The following SPG21 variants were observed in gnomAD, a reference collection of about 807,000 sequenced individuals.
SPG21 encodes SPG21 abhydrolase domain containing, maspardin, also known as maspardin.
SPG21 carries 26 observed loss-of-function variants against 38.9 expected under a neutral mutation model. That is an observed-to-expected ratio of 0.67 (90% confidence interval 0.49 to 0.93). The LOEUF is 0.93. SPG21 is among the 40% of genes least tolerant of loss of function. The pLI is 0.00. For synonymous variants in SPG21, 136 were observed against 128.9 expected (o/e 1.05, Z -0.37); for missense variants, 333 against 376.5 (o/e 0.88, Z 0.96).
chr15:64,981,284 T>G, intron 2 of SPG21: 9 of 348,620 alleles, frequency 2.6e-5, no homozygotes, highest in East Asian at 6.3e-5. Flanking sequence ...TTCTTCCCCC[T>G]CCTCCTTTTT....
intron 2 of SPG21, among the ~76,000 whole-genome samples, chr15:64,982,663 TTGTC>T (rs1383756972): frequency 6.6e-6 from 1 of 152,328 alleles, no homozygotes; most frequent in South Asian, 2.1e-4. Context: ...TGAACTGCCT[TTGTC>T]TAGTGTGATC....
rs112449052 is a variant in SPG21, at chr15:64,968,599, ATGT to A, written c.669+653_669+655del. On this transcript the variant is annotated intron_variant, in intron 7 of 8. Transcript: ENST00000204566. ...GCAATTTCTTCTTGGAATGATGAAA[ATGT>A]TGTGAAAATGGTGATGGTTGCCGAA... Among the ~76,000 whole-genome samples the A allele has an allele frequency of 7.5e-3, 1,143 of 152,238 alleles. 50 individuals are homozygous for A. The South Asian group carries it at 0.12, about 16-fold the overall frequency.
chr15:64,987,662 C>T (rs1317137104), intron 1 of SPG21, among the ~76,000 whole-genome samples: 1 of 152,238 alleles, frequency 6.6e-6, no homozygotes, highest in Non-Finnish European at 1.5e-5. Flanking sequence ...TAGCCTTAAT[C>T]TTGCCTAAGG....
At position 64,982,142 on chromosome 15, in the gene SPG21, C is replaced by CTTT. The variant is rs56118434; in HGVS notation, c.64-1120_64-1118dup. 2.5e-3 allele frequency among the ~76,000 whole-genome samples: 286 copies of CTTT among 114,528 alleles called. 6 individuals are homozygous for CTTT. Among genetic ancestry groups the CTTT allele is most frequent in the African/African-American group, 5.6e-3 (167 of 29,960 alleles). The allele number at this position is 114,528 out of a possible 152,430, so 75.1% of individuals were successfully genotyped here. A position where few individuals can be genotyped will look rare whatever the true frequency, so the allele number is the denominator to read the frequency against. ...CCACTCACATTTTTTCTTTTCTTTT[C>CTTT]TTTTTTTTTTTTTTTTTTTTGAGAC... is the stretch of plus-strand genomic sequence containing the variant. On this transcript the variant is annotated intron_variant, in intron 2 of 8. Coordinates refer to ENST00000204566, the MANE Select transcript of SPG21 (RefSeq NM_016630.7).
chr15:64,985,149 G>T (rs542611737), intron 1 of SPG21, among the ~76,000 whole-genome samples: 1 of 152,212 alleles, frequency 6.6e-6, no homozygotes, highest in Non-Finnish European at 1.5e-5. Context: ...ATGTAAACTT[G>T]AAGGCACTAT....
chr15:64,982,535 C>CTA (rs2085904592), intron 2 of SPG21, among the ~76,000 whole-genome samples: 1 of 152,112 alleles, frequency 6.6e-6, no homozygotes, highest in Non-Finnish European at 1.5e-5. Context: ...TCCTAGGTCT[C>CTA]TAAAGTGCTA....
Position 64,974,647 on chromosome 15 carries a change from G to T in SPG21, c.407C>A (p.Ser136Tyr). The T allele has an allele frequency of 6.2e-7, 1 of 1,614,204 alleles. No homozygotes were observed. The highest frequency in any genetic ancestry group is 1.1e-5 in the South Asian group (1 of 91,086). ...PRVHSLILCNSFSDTSIFNQT... is the reference protein window; with the variant it reads ...PRVHSLILCNYFSDTSIFNQT... ...GTTGAAGATAGAGGTGTCACTGAAG[G>T]AATTGCAGAGGATTAGGGAATGGAC... is the stretch of plus-strand genomic sequence containing the variant. Residue 136 changes from serine to tyrosine, a missense_variant, in exon 5 of 9, where the codon TCC becomes TAC. Transcript: ENST00000204566.
At chr15:64,986,291 G>A (rs543725110) in intron 1 of SPG21, among the ~76,000 whole-genome samples, 9 of 152,146 alleles carry the variant, frequency 5.9e-5, no homozygotes, top group Admixed American at 1.3e-4. Context: ...ACTTGAACCC[G>A]GGAGGCAGAG....
intron 1 of SPG21, among the ~76,000 whole-genome samples, chr15:64,983,836 G>A (rs2085933832): frequency 6.7e-6 from 1 of 150,270 alleles, no homozygotes; most frequent in South Asian, 2.1e-4. Context: ...AGGCTGGAGT[G>A]CAGTGGCGTG....
At chr15:64,988,245 A>C (rs532201396) in intron 1 of SPG21, among the ~76,000 whole-genome samples, 2 of 152,048 alleles carry the variant, frequency 1.3e-5, no homozygotes, top group East Asian at 3.9e-4. Flanking sequence ...ACAAACAAAC[A>C]AAAAAACCTG....
At position 64,984,061 on chromosome 15, in the gene SPG21, G is replaced by A. The variant is rs143823671; in HGVS notation, c.-24-468C>T. Among the ~76,000 whole-genome samples the A allele has an allele frequency of 9.2e-3, 1,407 of 152,300 alleles. 11 individuals carry two copies. The highest frequency in any genetic ancestry group is 0.019 in the South Asian group (92 of 4,826). On this transcript the variant is annotated intron_variant, in intron 1 of 8. Coordinates refer to ENST00000204566, the MANE Select transcript of SPG21 (RefSeq NM_016630.7). ...AGCCTCCTAAAGTGTTGGGATTACA[G>A]GCGTGAGCCACCATGCCCGGCCACC...
In SPG21 at chr15:64,981,037, G is replaced by A. The variant is rs1367409084; in HGVS notation, c.64-12C>T. 1 of 1,613,608 alleles carries A rather than the reference G, an allele frequency of 6.2e-7. No individual in the cohort carries two copies. Among genetic ancestry groups the A allele is most frequent in the Non-Finnish European group, 8.5e-7 (1 of 1,179,908 alleles). ...TCATCCACAATAATCTGGAGGGAAG[G>A]TTAAAAGAAAAAAGTGGAAAACCTT... On this transcript the variant is annotated splice_polypyrimidine_tract_variant and intron_variant, in intron 2 of 8. Transcript: ENST00000204566.
chr15:64,965,493 A>G, intron 7 of SPG21, 33 bp from the exon 8 acceptor site: 2 of 1,614,014 alleles, frequency 1.2e-6, no homozygotes, highest in Non-Finnish European at 1.7e-6. Flanking sequence ...GCACCATAGG[A>G]AAGGTAAAAC....
rs545257537 is a variant in SPG21 at position 64,965,256 on chromosome 15, G to A, written c.810+64C>T. The A allele has an allele frequency of 5.6e-6, 9 of 1,605,956 alleles. No homozygotes were observed. The South Asian group carries it at 6.6e-5, about 12-fold the overall frequency. On this transcript the variant is annotated intron_variant, in intron 8 of 8. Coordinates refer to ENST00000204566, the MANE Select transcript of SPG21 (RefSeq NM_016630.7). ...TGATTCCCTAACTAGTCCATTAAAAGAAGTCTTTATGTTGCAAACATATGT... is the reference window on the plus strand; with the variant it reads ...TGATTCCCTAACTAGTCCATTAAAAAAAGTCTTTATGTTGCAAACATATGT...
At chr15:64,974,829 A>T (rs1251333064) in intron 4 of SPG21, 82 bp from the exon 5 acceptor site, 4 of 1,492,258 alleles carry the variant, frequency 2.7e-6, no homozygotes, top group Non-Finnish European at 2.8e-6. Context: ...TTCAATTATC[A>T]CTAACCACAG....
rs1012685793 is a variant in SPG21, at chr15:64,963,518, G to A, written c.*102C>T. On this transcript the variant is annotated 3_prime_UTR_variant, in exon 9 of 9. Coordinates refer to ENST00000204566, the MANE Select transcript of SPG21 (RefSeq NM_016630.7). Reference sequence around the variant, plus strand: ...CTTCCCAGACACAGTGAGAACCGGTGAGCCTGACGAACCTGAAGGAAAAGG... The same window carrying A: ...CTTCCCAGACACAGTGAGAACCGGTAAGCCTGACGAACCTGAAGGAAAAGG... 5.2e-5 allele frequency: 47 copies of A among 896,808 alleles called. No individual in the cohort carries two copies. The highest frequency in any genetic ancestry group is 8.2e-5 in the Non-Finnish European group (44 of 539,836). The allele number at this position is 896,808 out of a possible 1,614,324, so 55.6% of individuals were successfully genotyped here. A position where few individuals can be genotyped will look rare whatever the true frequency, so the allele number is the denominator to read the frequency against.
chr15:64,966,831 G>A (rs1157186783), intron 7 of SPG21, among the ~76,000 whole-genome samples: 5 of 152,054 alleles, frequency 3.3e-5, no homozygotes, highest in Admixed American at 6.6e-5. Context: ...CCCAGGAGGC[G>A]GAGCTTGCAG....
chr15:64,974,522 T>C, intron 5 of SPG21, 80 bp downstream of exon 5: 1 of 1,532,430 alleles, frequency 6.5e-7, no homozygotes, highest in Non-Finnish European at 9.0e-7. Flanking sequence ...GATATAAGTC[T>C]TCCCTTCCTA....
chr15:64,974,697 A>G lies in SPG21; in HGVS notation c.357T>C (p.Ala119=), dbSNP rs1459741834. ...CTCTAGGAGATTTGTGAGTGTATTC[A>G]GCAAATTTCTGGGCCAAAAAGCCTC... ...SLGGFLAQKF[A]EYTHKSPRVH... Residue 119 remains alanine (A), a synonymous_variant, in exon 5 of 9, where the codon GCT becomes GCC. Coordinates refer to ENST00000204566, the MANE Select transcript of SPG21 (RefSeq NM_016630.7). 2.5e-6 allele frequency: 4 copies of G among 1,614,218 alleles called. No homozygotes were observed. The highest frequency in any genetic ancestry group is 3.4e-6 in the Non-Finnish European group (4 of 1,180,036).
Sources: gnomAD v4.1 joint callset for allele counts (sites outside exome capture counted in the v4.1 genomes callset) on GRCh38, gnomAD v4.1.1 for gene constraint, MANE v1.5 for transcripts, NCBI Gene and HGNC (gene_info 2026-07-23, HGNC 2026-07-21) for gene names.